ADGRV1: variants seen among roughly 807,000 people sequenced by gnomAD.
ADGRV1 encodes the protein adhesion G protein-coupled receptor V1.
ADGRV1 carries 359 observed loss-of-function variants against 596.2 expected under a neutral mutation model. The observed-to-expected ratio is 0.60, with a 90% CI of 0.55 to 0.66. The LOEUF is 0.66. Among genes scored for constraint, ADGRV1 ranks in the 30% least tolerant of loss-of-function variants. The pLI, the probability that ADGRV1 is intolerant of heterozygous loss-of-function variation, is 0.00. For missense variants in ADGRV1, 7,274 were observed against 7,575.6 expected, an observed-to-expected ratio of 0.96 and a Z score of 1.48; for synonymous variants, 2,681 against 2,679.2, an observed-to-expected ratio of 1.00 and a Z score of -0.02.
In ADGRV1 at chr5:90,967,124, G is replaced by A. The variant is rs55813746; in HGVS notation, c.17973+1593G>A. On this transcript the variant is annotated intron_variant, in intron 84 of 89. Coordinates refer to ENST00000405460, the MANE Select transcript of ADGRV1 (RefSeq NM_032119.4). ...CCAGTATGATATGATAGTAGTGGGG[G>A]CTGAAGAAGAGAACTGAACTATTTA... Among the ~76,000 whole-genome samples, 1,001 of 152,244 alleles carry A rather than the reference G, an allele frequency of 6.6e-3. 2 individuals carry two copies. Among genetic ancestry groups the A allele is most frequent in the Middle Eastern group, 0.017 (5 of 294 alleles).
rs144338482 is a variant in ADGRV1, at chr5:90,767,494, G to A, written c.12285+4025G>A. Among the ~76,000 whole-genome samples, 328 of 152,096 alleles carry A rather than the reference G, an allele frequency of 2.2e-3. 3 individuals are homozygous for A. The East Asian group carries it at 0.03, about 14-fold the overall frequency. ...AATTGTAAGAGACTATATAAATGTC[G>A]ACAAATAAATTTTAAAAACCTATGT... is the stretch of plus-strand genomic sequence containing the variant. On this transcript the variant is annotated intron_variant, in intron 59 of 89. Transcript: ENST00000405460.
chr5:90,586,694 G>C (rs1191513475), intron 1 of ADGRV1, among the ~76,000 whole-genome samples: 2 of 152,166 alleles, frequency 1.3e-5, no homozygotes, highest in South Asian at 2.1e-4. Flanking sequence ...CATCACATCA[G>C]GAGGCACACC....
intron 50 of ADGRV1, among the ~76,000 whole-genome samples, chr5:90,733,151 T>C (rs1752768042): frequency 6.6e-6 from 1 of 152,132 alleles, no homozygotes; most frequent in African/African-American, 2.4e-5. Context: ...AAAATCCTTG[T>C]GGGAAAGAGA....
chr5:90,953,838 G>A (rs1414154201), intron 83 of ADGRV1, among the ~76,000 whole-genome samples: 2 of 151,998 alleles, frequency 1.3e-5, no homozygotes, highest in African/African-American at 4.8e-5. Context: ...ATAATAGTAT[G>A]GTAATGGTTG....
In ADGRV1 at chr5:90,976,344, A is replaced by ATATATATG. The variant is rs1466770133; in HGVS notation, c.17974-8995_17974-8994insATGTATAT. ...TGTGTATATATATATATATATATAT[A>ATATATATG]TATATGTATATGTATATATGGACAT... On this transcript the variant is annotated intron_variant, in intron 84 of 89. Coordinates refer to ENST00000405460, the MANE Select transcript of ADGRV1 (RefSeq NM_032119.4). 2.5e-3 allele frequency among the ~76,000 whole-genome samples: 361 copies of ATATATATG among 143,314 alleles called. 1 individual carries two copies. Among genetic ancestry groups the ATATATATG allele is most frequent in the African/African-American group, 9.0e-3 (340 of 37,888 alleles). The allele number at this position is 143,314 out of a possible 152,430, so 94.0% of individuals were successfully genotyped here.
At chr5:90,764,441 T>C (rs534999194) in intron 59 of ADGRV1, among the ~76,000 whole-genome samples, 11 of 152,280 alleles carry the variant, frequency 7.2e-5, no homozygotes, top group Non-Finnish European at 1.3e-4. Context: ...ACACAAAAAA[T>C]GCTTTCTTTG....
In ADGRV1 at chr5:90,832,145, G is replaced by A. The variant is rs1395177562; in HGVS notation, c.16611+2959G>A. Among the ~76,000 whole-genome samples, 6 of 152,150 alleles carry A rather than the reference G, an allele frequency of 3.9e-5. No individual in the cohort carries two copies. In the East Asian group the frequency reaches 1.2e-3, roughly 29 times the overall value. On this transcript the variant is annotated intron_variant, in intron 77 of 89. Coordinates refer to ENST00000405460, the MANE Select transcript of ADGRV1 (RefSeq NM_032119.4). Reference sequence around the variant, plus strand: ...GGGAGTGGAATTACTGGATTATATGGTAGCTTTATTTTTAGTTTTCTGAGG... The same window carrying A: ...GGGAGTGGAATTACTGGATTATATGATAGCTTTATTTTTAGTTTTCTGAGG...
At chr5:90,724,167 A>G (rs891518760) in intron 45 of ADGRV1, among the ~76,000 whole-genome samples, 67 of 152,182 alleles carry the variant, frequency 4.4e-4, no homozygotes, top group Non-Finnish European at 9.0e-4. Context: ...TATTTTCATC[A>G]GCTTTACAGA....
Position 90,693,779 on chromosome 5 carries a change from G to A in ADGRV1, c.7134-111G>A, listed in dbSNP as rs180993130. The A allele has an allele frequency of 2.2e-4, 169 of 779,544 alleles. No homozygotes were observed. In the African/African-American group the frequency reaches 2.7e-3, roughly 12 times the overall value. 48.3% of individuals were successfully genotyped at this position (779,544 alleles called of 1,614,324 possible). A position where few individuals can be genotyped will look rare whatever the true frequency, so the allele number is the denominator to read the frequency against. ...AGAAACAGGATTGTGTTTGTACTAT[G>A]ACTTTAAACATTTTTTTAAAAAACT... On this transcript the variant is annotated intron_variant, in intron 32 of 89. Transcript: ENST00000405460.
chr5:90,999,008 T>A (rs189730962), intron 85 of ADGRV1, among the ~76,000 whole-genome samples: 1 of 152,254 alleles, frequency 6.6e-6, no homozygotes, highest in East Asian at 1.9e-4. Flanking sequence ...CATTTGTTTC[T>A]TTTTTGGATT....
At chr5:90,877,617 A>T (rs1164989783) in intron 83 of ADGRV1, among the ~76,000 whole-genome samples, 1 of 151,582 alleles carries the variant, frequency 6.6e-6, no homozygotes, top group Admixed American at 6.6e-5. Context: ...GTCTCTTACA[A>T]ATTTCATATT....
chr5:91,029,865 A>G (rs1342065903), intron 85 of ADGRV1, among the ~76,000 whole-genome samples: 1 of 152,166 alleles, frequency 6.6e-6, no homozygotes, highest in Non-Finnish European at 1.5e-5. Context: ...TTTTAAAAAA[A>G]TCACCTACAG....
intron 76 of ADGRV1, among the ~76,000 whole-genome samples, chr5:90,823,975 T>C (rs993617380): frequency 4.6e-4 from 70 of 152,338 alleles, no homozygotes; most frequent in African/African-American, 1.7e-3. Flanking sequence ...TTATCATTGC[T>C]TAATAAATGA....
At chr5:91,079,154 G>C (rs988854997) in intron 86 of ADGRV1, among the ~76,000 whole-genome samples, 3 of 152,132 alleles carry the variant, frequency 2.0e-5, no homozygotes, top group Admixed American at 1.3e-4. Flanking sequence ...GTCCTTGGCA[G>C]TTAGATGCCT....
At chr5:91,040,061 C>T (rs1785216370) in intron 85 of ADGRV1, among the ~76,000 whole-genome samples, 2 of 152,096 alleles carry the variant, frequency 1.3e-5, no homozygotes, top group South Asian at 4.2e-4. Context: ...AGTGTTTTGT[C>T]CATGCAAAAT....
chr5:91,055,142 A>G (rs2697543), intron 85 of ADGRV1, among the ~76,000 whole-genome samples: 96,491 of 151,952 alleles, frequency 0.64, 30,885 homozygotes, highest in South Asian at 0.68. Flanking sequence ...TCACTGCTAT[A>G]AGTGCTCTAA....
In ADGRV1 at chr5:91,116,973, G is replaced by A. The variant is rs896963440; in HGVS notation, c.18432+14633G>A. Among the ~76,000 whole-genome samples the A allele has an allele frequency of 6.6e-5, 10 of 152,260 alleles. 1 individual carries two copies. The highest frequency in any genetic ancestry group is 2.1e-4 in the South Asian group (1 of 4,822). ...TGTTGATTGCTAGAATAGGGAGTACGCAGAGGAGTACTATGCAGAGTCACC... is the reference window on the plus strand; with the variant it reads ...TGTTGATTGCTAGAATAGGGAGTACACAGAGGAGTACTATGCAGAGTCACC... On this transcript the variant is annotated intron_variant, in intron 87 of 89. Transcript: ENST00000405460.
Position 90,708,913 on chromosome 5 carries a change from TG to T in ADGRV1, c.8824+5del. 6.3e-7 allele frequency: 1 copy of T among 1,595,472 alleles called. No homozygotes were observed. Among genetic ancestry groups the T allele is most frequent in the Non-Finnish European group, 8.6e-7 (1 of 1,163,720 alleles). On this transcript the variant is annotated splice_donor_5th_base_variant and intron_variant, in intron 39 of 89. Transcript: ENST00000405460. ...ACTTCATTTCCTCCCAGACTAGGTA[TG>T]AGGGGTTTCTTGTTTGTTTCTTTTT...
rs774659694 is a variant in ADGRV1 at position 90,628,690 on chromosome 5, T to C, written c.1367T>C (p.Leu456Pro). 8.7e-6 allele frequency: 14 copies of C among 1,614,016 alleles called. No individual in the cohort carries two copies. In the South Asian group the frequency reaches 1.5e-4, roughly 18 times the overall value. ...GATATCAGACCGAGCTCTGGAGTTC[T>C]CCATTTTGCACAAGGGCAGATGTTG... ...TADIRPSSGVLHFAQGQMLAT... is the reference protein window; with the variant it reads ...TADIRPSSGVPHFAQGQMLAT... The change falls in exon 8 of 90, where the codon CTC becomes CCC. Residue 456 changes from leucine to proline, a missense_variant. Around this residue, in one of 5 missense-constraint regions of ADGRV1, gnomAD observed 1,715 missense variants for 1,708.8 expected, o/e 1.00. Coordinates refer to ENST00000405460, the MANE Select transcript of ADGRV1 (RefSeq NM_032119.4).
Sources: allele counts gnomAD v4.1 joint callset (sites outside exome capture counted in the v4.1 genomes callset), GRCh38; gene constraint gnomAD v4.1.1; regional missense constraint gnomAD v4.1.1; transcripts MANE v1.5; gene names NCBI Gene and HGNC (gene_info 2026-07-23, HGNC 2026-07-21).